Variants in SEC14L1 observed in about 807,000 individuals in gnomAD.
SEC14L1 encodes the protein SEC14-like protein 1.
A neutral mutation model predicts 85.3 loss-of-function variants in SEC14L1; 48 were observed. The ratio of observed to expected loss-of-function variants is 0.56; its 90% CI spans 0.45 to 0.72. The LOEUF (loss-of-function observed/expected upper bound fraction) is 0.72, where lower values mean the gene tolerates loss of function less well. SEC14L1 is among the 30% of genes least tolerant of loss of function. The pLI, the probability that SEC14L1 is intolerant of heterozygous loss-of-function variation, is 0.00. For missense variants in SEC14L1, 682 were observed against 921.4 expected (o/e 0.74, Z 3.36); for synonymous variants, 391 against 355.5 (o/e 1.10, Z -1.12).
chr17:77,089,764 C>G (rs1292351169), intron 2 of SEC14L1: 3 of 223,392 alleles, frequency 1.3e-5, no homozygotes, highest in African/African-American at 2.4e-5. Context: ...GCCTGTAATC[C>G]CAGCACTTTG....
chr17:77,202,937 A>AAT (rs1976239240), intron 9 of SEC14L1, among the ~76,000 whole-genome samples: 1 of 41,974 alleles, frequency 2.4e-5, no homozygotes, highest in African/African-American at 9.9e-5. Flanking sequence ...ATAAAAAAAT[A>AAT]AAAAAAAAAA....
chr17:77,159,788 C>T (rs947692473), intron 3 of SEC14L1, among the ~76,000 whole-genome samples: 3 of 152,284 alleles, frequency 2.0e-5, no homozygotes, highest in South Asian at 2.1e-4. Flanking sequence ...ATTTACAGCT[C>T]ATGATTGCCA....
chr17:77,171,850 C>T (rs1353459358), intron 3 of SEC14L1, among the ~76,000 whole-genome samples: 1 of 152,084 alleles, frequency 6.6e-6, no homozygotes, highest in Non-Finnish European at 1.5e-5. Flanking sequence ...CCTCGATTTC[C>T]TTCTTTTGAC....
chr17:77,137,853 G>A (rs1406948245), upstream of SEC14L1, among the ~76,000 whole-genome samples: 2 of 152,184 alleles, frequency 1.3e-5, no homozygotes, highest in Non-Finnish European at 2.9e-5. Flanking sequence ...CACCCAAGGG[G>A]TTCACCTTCC....
intron 3 of SEC14L1, among the ~76,000 whole-genome samples, chr17:77,181,949 T>C (rs1975057875): frequency 6.6e-6 from 1 of 152,212 alleles, no homozygotes; most frequent in African/African-American, 2.4e-5. Flanking sequence ...ACACATTTTC[T>C]TGATATGTTG....
intron 3 of SEC14L1, among the ~76,000 whole-genome samples, chr17:77,157,437 C>T (rs1188100146): frequency 1.3e-5 from 2 of 152,192 alleles, no homozygotes; most frequent in East Asian, 1.9e-4. Context: ...ATTCTTAACG[C>T]CTGCTCAAGC....
At chr17:77,193,708 G>A (rs765565365) in intron 6 of SEC14L1, among the ~76,000 whole-genome samples, 159 bp downstream of exon 6, 1 of 152,194 alleles carries the variant, frequency 6.6e-6, no homozygotes, top group Non-Finnish European at 1.5e-5. Context: ...AGGTATAGGG[G>A]TTGAGGTTGT....
chr17:77,155,857 G>A (rs1427716626), intron 3 of SEC14L1, among the ~76,000 whole-genome samples: 1 of 152,118 alleles, frequency 6.6e-6, no homozygotes, highest in Non-Finnish European at 1.5e-5. Flanking sequence ...TGGGATTACA[G>A]GCGTGAGCCA....
chr17:77,144,043 C>A (rs921931295), intron 3 of SEC14L1, among the ~76,000 whole-genome samples: 1 of 152,048 alleles, frequency 6.6e-6, no homozygotes, highest in Non-Finnish European at 1.5e-5. Context: ...TGGGTGAATT[C>A]ACTTTAGGTG....
chr17:77,197,557 G>A (rs1975877348), intron 8 of SEC14L1, among the ~76,000 whole-genome samples: 1 of 151,864 alleles, frequency 6.6e-6, no homozygotes, highest in Non-Finnish European at 1.5e-5. Flanking sequence ...TAATGAGTTG[G>A]CAAAAGCACC....
At chr17:77,092,526 A>AAAAGT (rs1971541447) in intron 2 of SEC14L1, among the ~76,000 whole-genome samples, 1 of 152,166 alleles carries the variant, frequency 6.6e-6, no homozygotes, top group Non-Finnish European at 1.5e-5. Flanking sequence ...GGAAGGGAAG[A>AAAAGT]AAAGTAAAGT....
At chr17:77,097,003 G>A (rs1971663809) in intron 3 of SEC14L1, among the ~76,000 whole-genome samples, 1 of 152,180 alleles carries the variant, frequency 6.6e-6, no homozygotes, top group Non-Finnish European at 1.5e-5. Flanking sequence ...TATCATGTCA[G>A]GAACCAAGCA....
At chr17:77,141,262 C>T (rs1487196842) in intron 1 of SEC14L1, 155 bp downstream of exon 1, 1 of 144,722 alleles carries the variant, frequency 6.9e-6, no homozygotes, top group Non-Finnish European at 1.5e-5. Context: ...GCCCGGCACC[C>T]GAAACGGGCC....
At chr17:77,174,277 TG>T (rs1974650073) in intron 3 of SEC14L1, among the ~76,000 whole-genome samples, 1 of 152,080 alleles carries the variant, frequency 6.6e-6, no homozygotes, top group South Asian at 2.1e-4. Flanking sequence ...TGCATTCTTT[TG>T]CTTCTGCTTA....
intron 3 of SEC14L1, among the ~76,000 whole-genome samples, chr17:77,185,991 T>C (rs1290597812): frequency 6.6e-6 from 1 of 152,214 alleles, no homozygotes; most frequent in Non-Finnish European, 1.5e-5. Context: ...CAGATAAATA[T>C]AAAGAATATA....
chr17:77,137,432 GAGA>G (rs775644324), upstream of SEC14L1, among the ~76,000 whole-genome samples: 25 of 152,190 alleles, frequency 1.6e-4, no homozygotes, highest in Non-Finnish European at 3.2e-4. Context: ...ATTTTTAAGT[GAGA>G]AGATCTCATG....
intron 3 of SEC14L1, among the ~76,000 whole-genome samples, chr17:77,102,886 C>G (rs569726859): frequency 1.3e-5 from 2 of 152,106 alleles, no homozygotes; most frequent in Non-Finnish European, 2.9e-5. Context: ...GCTGTGACCT[C>G]GAACTCCTGG....
chr17:77,155,839 G>A (rs1973788326), intron 3 of SEC14L1, among the ~76,000 whole-genome samples: 1 of 152,050 alleles, frequency 6.6e-6, no homozygotes, highest in Non-Finnish European at 1.5e-5. Context: ...TCCTGCCTCA[G>A]CCTCAGCTGG....
chr17:77,203,267 T>C lies in SEC14L1; in HGVS notation c.1010-303T>C, dbSNP rs71384148. On this transcript the variant is annotated intron_variant, in intron 9 of 16. Transcript: ENST00000436233. ...TTGTTCAGACTGAGCCCAGCACTTA[T>C]GCAGCTCGAGCTGAGTGAGTCCCAG... Among the ~76,000 whole-genome samples, 1,215 of 152,320 alleles carry C rather than the reference T, an allele frequency of 8.0e-3. 7 individuals are homozygous for C. Among genetic ancestry groups the C allele is most frequent in the Non-Finnish European group, 9.6e-3 (651 of 68,022 alleles).
Sources: allele counts gnomAD v4.1 joint callset (sites outside exome capture counted in the v4.1 genomes callset), GRCh38; gene constraint gnomAD v4.1.1; transcripts MANE v1.5; gene names NCBI Gene and HGNC (gene_info 2026-07-23, HGNC 2026-07-21).